The following ADD1 variants were observed in gnomAD, a reference collection of about 807,000 sequenced individuals.
ADD1 encodes adducin 1.
ADD1 carries 24 observed loss-of-function variants against 80.5 expected under a neutral mutation model. The ratio of observed to expected loss-of-function variants is 0.30; its 90% confidence interval spans 0.22 to 0.42. The LOEUF (loss-of-function observed/expected upper bound fraction) is 0.42. ADD1 is among the 10% of genes least tolerant of loss of function. The pLI is 1.00. For synonymous variants in ADD1, 373 were observed against 393.8 expected, an observed-to-expected ratio of 0.95 and a Z score of 0.63; for missense variants, 948 against 1,019.0, an observed-to-expected ratio of 0.93 and a Z score of 0.95.
At chr4:2,848,503 C>A (rs573901216) in intron 1 of ADD1, among the ~76,000 whole-genome samples, 1 of 152,132 alleles carries the variant, frequency 6.6e-6, no homozygotes, top group Non-Finnish European at 1.5e-5. Flanking sequence ...GACTCTTGCT[C>A]TGTCACCTAG....
chr4:2,868,523 T>C (rs1341796763), intron 1 of ADD1, among the ~76,000 whole-genome samples: 3 of 152,198 alleles, frequency 2.0e-5, no homozygotes, highest in African/African-American at 4.8e-5. Context: ...CGATGCAGTT[T>C]CATTTTGGAT....
rs754218185 is a variant in ADD1 at position 2,852,138 on chromosome 4, T to TTTTCTTTCTTTC, written c.-21+8163_-21+8174dup. Reference sequence around the variant, plus strand: ...GGCATGAGCCACAGCACCCGGCCTCTTTTCTTTCTTTCTTTCTTTCTTTCT... The same window carrying TTTTCTTTCTTTC: ...GGCATGAGCCACAGCACCCGGCCTCTTTTCTTTCTTTCTTTCTTTCTTTCTTTCTTTCTTTCT... On this transcript the variant is annotated intron_variant, in intron 1 of 15. Coordinates refer to ENST00000683351, the MANE Select transcript of ADD1 (RefSeq NM_001354761.2). 3.0e-3 allele frequency among the ~76,000 whole-genome samples: 289 copies of TTTTCTTTCTTTC among 97,628 alleles called. 7 individuals are homozygous for TTTTCTTTCTTTC. Among genetic ancestry groups the TTTTCTTTCTTTC allele is most frequent in the Middle Eastern group, 0.01 (2 of 196 alleles). 64.0% of individuals were successfully genotyped at this position (97,628 alleles called of 152,430 possible).
chr4:2,852,207 C>T (rs12504799), intron 1 of ADD1, among the ~76,000 whole-genome samples: 6,211 of 64,654 alleles, frequency 0.096, 512 homozygotes, highest in Middle Eastern at 0.21. Flanking sequence ...TCCTTTCTTT[C>T]CTTTCCTTTC....
intron 3 of ADD1, 135 bp downstream of exon 3, chr4:2,882,195 T>C: frequency 2.4e-6 from 2 of 817,366 alleles, no homozygotes; most frequent in South Asian, 2.6e-5. Context: ...TAATGTGTTT[T>C]CGTTAGTCAT....
At chr4:2,882,531 A>G (rs1163991278) in intron 3 of ADD1, among the ~76,000 whole-genome samples, 3 of 152,206 alleles carry the variant, frequency 2.0e-5, no homozygotes, top group East Asian at 1.9e-4. Flanking sequence ...TGCCATGGCA[A>G]TTGAGTTTGC....
At position 2,885,776 on chromosome 4, in the gene ADD1, A is replaced by AT. The variant is rs541172586; in HGVS notation, c.510+1117dup. Among the ~76,000 whole-genome samples the AT allele has an allele frequency of 6.6e-5, 10 of 150,548 alleles. 1 individual carries two copies. Among genetic ancestry groups the AT allele is most frequent in the Admixed American group, 4.6e-4 (7 of 15,152 alleles). On this transcript the variant is annotated intron_variant, in intron 4 of 15. Coordinates refer to ENST00000683351, the MANE Select transcript of ADD1 (RefSeq NM_001354761.2). The stretch of plus-strand genomic sequence containing the variant: ...AGGCGCCCGCCACCACGCCTGGCTA[A>AT]TTTTTTTGTATTTTTAGTAGAGACG...
At chr4:2,917,419 C>A (rs562974497) in intron 14 of ADD1, among the ~76,000 whole-genome samples, 1 of 151,912 alleles carries the variant, frequency 6.6e-6, no homozygotes, top group African/African-American at 2.4e-5. Context: ...CCTTGTAGAT[C>A]GTGGATATGA....
Position 2,919,188 on chromosome 4 carries a change from G to C in ADD1, c.1948+4148G>C, listed in dbSNP as rs566931452. Among the ~76,000 whole-genome samples the C allele has an allele frequency of 1.1e-3, 169 of 152,306 alleles. 3 individuals carry two copies. In the Middle Eastern group the frequency reaches 0.017, roughly 15 times the overall value. On this transcript the variant is annotated intron_variant, in intron 14 of 15. Transcript: ENST00000683351. ...TGCATCCCAGGGATGAAGCCAACTTGATCGTGGTGGATAAGCTTTTTGATG... is the reference window on the plus strand; with the variant it reads ...TGCATCCCAGGGATGAAGCCAACTTCATCGTGGTGGATAAGCTTTTTGATG...
chr4:2,857,807 C>T lies in ADD1; in HGVS notation c.-21+13783C>T, dbSNP rs1168287261. Among the ~76,000 whole-genome samples the T allele has an allele frequency of 2.6e-5, 4 of 152,102 alleles. No homozygotes were observed. The East Asian group carries it at 7.7e-4, about 29-fold the overall frequency. ...TTTCCATGATACAGGGGAACTGACT[C>T]CAGTATGGCCAGTATACGAGACTTT... On this transcript the variant is annotated intron_variant, in intron 1 of 15. Transcript: ENST00000683351.
chr4:2,847,667 C>T (rs1726453707), intron 1 of ADD1, among the ~76,000 whole-genome samples: 1 of 152,268 alleles, frequency 6.6e-6, no homozygotes, highest in African/African-American at 2.4e-5. Flanking sequence ...TCCTGATTGA[C>T]ATGTGCCCAA....
intron 1 of ADD1, among the ~76,000 whole-genome samples, chr4:2,863,380 C>G (rs58115360): frequency 6.6e-6 from 1 of 151,642 alleles, no homozygotes; most frequent in Admixed American, 6.6e-5. Flanking sequence ...TTTTAGACTT[C>G]AGAAATTATT....
chr4:2,885,756 C>A (rs1182574645), intron 4 of ADD1, among the ~76,000 whole-genome samples: 2 of 151,882 alleles, frequency 1.3e-5, no homozygotes, highest in African/African-American at 2.4e-5. Flanking sequence ...ACTACAGGCG[C>A]CCGCCACCAC....
chr4:2,877,812 C>T (rs778758323), intron 2 of ADD1, among the ~76,000 whole-genome samples: 3 of 152,106 alleles, frequency 2.0e-5, no homozygotes, highest in Non-Finnish European at 4.4e-5. Flanking sequence ...CGCATCTCTA[C>T]CAAAAATATA....
At chr4:2,858,338 G>T (rs897625761) in intron 1 of ADD1, among the ~76,000 whole-genome samples, 1 of 152,154 alleles carries the variant, frequency 6.6e-6, no homozygotes, top group African/African-American at 2.4e-5. Flanking sequence ...AAGTTAACTC[G>T]TTTAATCTTA....
chr4:2,910,586 G>C (rs1389153181), intron 13 of ADD1, among the ~76,000 whole-genome samples: 1 of 152,026 alleles, frequency 6.6e-6, no homozygotes, highest in African/African-American at 2.4e-5. Flanking sequence ...TGCAGGCCAT[G>C]AGCCCAGCTG....
intron 14 of ADD1, among the ~76,000 whole-genome samples, chr4:2,923,507 T>C (rs1408490225): frequency 6.6e-6 from 1 of 152,196 alleles, no homozygotes; most frequent in Non-Finnish European, 1.5e-5. Flanking sequence ...GCCAGGTACC[T>C]CAGTTGGAAA....
At chr4:2,916,397 T>C (rs1739077972) in intron 14 of ADD1, among the ~76,000 whole-genome samples, 5 of 151,880 alleles carry the variant, frequency 3.3e-5, no homozygotes, top group South Asian at 4.2e-4. Flanking sequence ...GGTTTCACCA[T>C]GTTGGCCAGG....
chr4:2,914,664 T>G, intron 13 of ADD1: 3 of 470,724 alleles, frequency 6.4e-6, no homozygotes, highest in Non-Finnish European at 1.1e-5. Context: ...GGATTTCTTT[T>G]GTGGTTAATA....
intron 8 of ADD1, 160 bp downstream of exon 8, chr4:2,898,691 G>A (rs901732244): frequency 3.5e-5 from 23 of 653,696 alleles, no homozygotes; most frequent in Non-Finnish European, 4.6e-5. Flanking sequence ...GACAAATGCT[G>A]TTTCACTGAT....
Sources: gnomAD v4.1 joint callset for allele counts (sites outside exome capture counted in the v4.1 genomes callset) on GRCh38, gnomAD v4.1.1 for gene constraint, MANE v1.5 for transcripts, NCBI Gene and HGNC (gene_info 2026-07-23, HGNC 2026-07-21) for gene names.